ITPRID2: variants seen among roughly 807,000 people sequenced by gnomAD.
ITPRID2 encodes protein ITPRID2.
ITPRID2 carries 60 observed loss-of-function variants against 124.3 expected under a neutral mutation model. The ratio of observed to expected loss-of-function variants is 0.48; its 90% CI spans 0.39 to 0.60. The LOEUF (loss-of-function observed/expected upper bound fraction) is 0.60. Among genes scored for constraint, ITPRID2 ranks in the 20% least tolerant of loss-of-function variants. ITPRID2 has a pLI of 0.00. For missense variants in ITPRID2, 1,553 were observed against 1,512.2 expected, an observed-to-expected ratio of 1.03 and a Z score of -0.45; for synonymous variants, 521 against 542.9, an observed-to-expected ratio of 0.96 and a Z score of 0.56.
chr2:181,918,954 A>G, intron 13 of ITPRID2, 72 bp downstream of exon 13: 1 of 1,566,734 alleles, frequency 6.4e-7, no homozygotes, highest in Non-Finnish European at 8.6e-7. Flanking sequence ...TATATTTTTT[A>G]AAATTAGGTT....
In ITPRID2 at chr2:181,929,384, TA is replaced by T. The variant is rs556763481; in HGVS notation, c.*14-176del. 7.0e-3 allele frequency among the ~76,000 whole-genome samples: 1,067 copies of T among 152,172 alleles called. 9 individuals are homozygous for T. Among genetic ancestry groups the T allele is most frequent in the African/African-American group, 0.024 (1,011 of 41,496 alleles). ...ATGTCACAAAGCAATTAATAGGAAT[TA>T]TTTTTTTTAAAGCCAGGGATATAAG... On this transcript the variant is annotated intron_variant, in intron 17 of 17. Coordinates refer to ENST00000431877, the MANE Select transcript of ITPRID2 (RefSeq NM_001130445.3).
chr2:181,900,736 G>C lies in ITPRID2; in HGVS notation c.544G>C (p.Glu182Gln), dbSNP rs1198631463. 1.2e-6 allele frequency: 2 copies of C among 1,612,046 alleles called. No individual in the cohort carries two copies. Among genetic ancestry groups the C allele is most frequent in the South Asian group, 1.1e-5 (1 of 90,406 alleles). Residue 182 changes from glutamate to glutamine, a missense_variant, in exon 7 of 18, where the codon GAA becomes CAA. Physicochemically the swap from Glu to Gln is conservative, Grantham distance 29. Coordinates refer to ENST00000431877, the MANE Select transcript of ITPRID2 (RefSeq NM_001130445.3). ...GGAACTTTATGAGGAAGATCCTGAA[G>C]AAATTCTTTATAATCTTGGATTTGG... The part of the protein sequence containing the change: ...LLELYEEDPE[E>Q]ILYNLGFGRD...
In ITPRID2 at chr2:181,902,767, T is replaced by C. The variant is rs1204965851; in HGVS notation, c.1413+301T>C. Among the ~76,000 whole-genome samples, 1 of 152,202 alleles carries C rather than the reference T, an allele frequency of 6.6e-6. No homozygotes were observed. The highest frequency in any genetic ancestry group is 1.5e-5 in the Non-Finnish European group (1 of 68,024). On this transcript the variant is annotated intron_variant, in intron 8 of 17. Coordinates refer to ENST00000431877, the MANE Select transcript of ITPRID2 (RefSeq NM_001130445.3). This position sits in a 1 kb window ranked among gnomAD's most constrained non-coding sequence, Gnocchi z 4.4. ...CTCAAGAAAGCCCTGAGAGAGTATA[T>C]TTAAATTCAAAGCAATATTGCATAA...
rs776219577 is a variant in ITPRID2, at chr2:181,919,428, C to G, written c.3126C>G (p.Phe1042Leu). ...GTGCTGTGCGCATGCCTTCACCCTT[C>G]CGCTCCTCCGCACTCATGGTACGCT... The part of the protein sequence containing the change: ...QLRAVRMPSP[F>L]RSSALMGMCG... The change falls in exon 14 of 18, where the codon TTC (phenylalanine) becomes TTG (leucine). Residue 1042 changes from phenylalanine to leucine, a missense_variant. Coordinates refer to ENST00000431877, the MANE Select transcript of ITPRID2 (RefSeq NM_001130445.3). The surrounding 1 kb of genome is among the most constrained non-coding windows in gnomAD (Gnocchi z 4.2). The G allele has an allele frequency of 1.2e-6, 2 of 1,603,342 alleles. No individual in the cohort carries two copies. The highest frequency in any genetic ancestry group is 1.3e-5 in the African/African-American group (1 of 74,658).
chr2:181,929,581 C>A lies in ITPRID2; in HGVS notation c.*34C>A. ...TTAAGGTTGGCATGGATCCTATTAG[C>A]TGTGTAATACTGGAATTATCAATGA... On this transcript the variant is annotated 3_prime_UTR_variant, in exon 18 of 18. Coordinates refer to ENST00000431877, the MANE Select transcript of ITPRID2 (RefSeq NM_001130445.3). 1.9e-6 allele frequency: 3 copies of A among 1,611,902 alleles called. No individual in the cohort carries two copies. The highest frequency in any genetic ancestry group is 2.5e-6 in the Non-Finnish European group (3 of 1,178,660).
At chr2:181,898,327 A>G (rs1482054316) in intron 4 of ITPRID2, among the ~76,000 whole-genome samples, 1 of 152,050 alleles carries the variant, frequency 6.6e-6, no homozygotes, top group Non-Finnish European at 1.5e-5. Context: ...TAGAACTTTA[A>G]GCTAAAGTTC....
chr2:181,922,257 A>G lies in ITPRID2; in HGVS notation c.3520A>G (p.Ser1174Gly). The change falls in exon 16 of 18, where the codon AGT becomes GGT. Residue 1174 changes from serine to glycine, a missense_variant. Ser to Gly is a moderately conservative substitution (Grantham distance 56, BLOSUM62 0). Coordinates refer to ENST00000431877, the MANE Select transcript of ITPRID2 (RefSeq NM_001130445.3). ...TGTGCAGACACCTCCAGATTTGGAA[A>G]GTTCTGAGGAAGTTGATGCAGCTGA... is the stretch of plus-strand genomic sequence containing the variant. Reference protein sequence around the residue: ...GSVQTPPDLESSEEVDAAEGA... With the variant: ...GSVQTPPDLEGSEEVDAAEGA... The G allele has an allele frequency of 6.2e-7, 1 of 1,614,246 alleles. No homozygotes were observed.
Position 181,929,688 on chromosome 2 carries a change from ATTTC to A in ITPRID2, c.*144_*147del. On this transcript the variant is annotated 3_prime_UTR_variant, in exon 18 of 18. Transcript: ENST00000431877. ...CTACTGTATACAGTGTACAATGTGTATTTCTTCAACCATATATTTTAAAAAGACG... is the reference window on the plus strand; with the variant it reads ...CTACTGTATACAGTGTACAATGTGTATTCAACCATATATTTTAAAAAGACG... 1 of 1,440,382 alleles carries A rather than the reference ATTTC, an allele frequency of 6.9e-7. No homozygotes were observed. Among genetic ancestry groups the A allele is most frequent in the South Asian group, 1.3e-5 (1 of 75,528 alleles). 89.2% of individuals were successfully genotyped at this position (1,440,382 alleles called of 1,614,324 possible).
intron 16 of ITPRID2, 144 bp from the exon 17 acceptor site, chr2:181,928,017 C>A: frequency 1.7e-6 from 1 of 589,028 alleles, no homozygotes; most frequent in Admixed American, 3.3e-5. Flanking sequence ...GGACTCGATT[C>A]CCCACTCCCT....
At position 181,915,559 on chromosome 2, in the gene ITPRID2, C is replaced by T; in HGVS notation, c.1919C>T (p.Ala640Val). ...GAGACAGTAGAGCTACTGAGGGAAGCAAGTGCTGAAAGTGATGTGGGTAAA... is the reference window on the plus strand; with the variant it reads ...GAGACAGTAGAGCTACTGAGGGAAGTAAGTGCTGAAAGTGATGTGGGTAAA... ...PAETVELLRE[A>V]SAESDVGKSS... Residue 640 changes from alanine to valine, a missense_variant, in exon 11 of 18, where the codon GCA (alanine) becomes GTA (valine). Ala to Val is a moderately conservative substitution (Grantham distance 64). Transcript: ENST00000431877. 1 of 1,614,156 alleles carries T rather than the reference C, an allele frequency of 6.2e-7. No homozygotes were observed. Among genetic ancestry groups the T allele is most frequent in the Non-Finnish European group, 8.5e-7 (1 of 1,180,030 alleles).
chr2:181,920,627 T>G lies in ITPRID2; in HGVS notation c.3175T>G (p.Leu1059Val). The change falls in exon 15 of 18, where the codon TTG becomes GTG. Residue 1059 changes from leucine to valine, a missense_variant. Coordinates refer to ENST00000431877, the MANE Select transcript of ITPRID2 (RefSeq NM_001130445.3). ...GMCGSRSADN[L>V]SCPSPLNVME... ...GTGTGGCAGTAGAAGCGCTGATAACTTGTCATGCCCTTCTCCATTGAATGT... is the reference window on the plus strand; with the variant it reads ...GTGTGGCAGTAGAAGCGCTGATAACGTGTCATGCCCTTCTCCATTGAATGT... 1.2e-6 allele frequency: 2 copies of G among 1,613,576 alleles called. No individual in the cohort carries two copies. The highest frequency in any genetic ancestry group is 1.7e-6 in the Non-Finnish European group (2 of 1,179,696).
rs1694341415 is a variant in ITPRID2 at position 181,919,689 on chromosome 2, G to A, written c.3144+243G>A. 1.3e-5 allele frequency among the ~76,000 whole-genome samples: 2 copies of A among 152,174 alleles called. No homozygotes were observed. The highest frequency in any genetic ancestry group is 4.1e-4 in the South Asian group (2 of 4,820). On this transcript the variant is annotated intron_variant, in intron 14 of 17. Coordinates refer to ENST00000431877, the MANE Select transcript of ITPRID2 (RefSeq NM_001130445.3). The surrounding 1 kb of genome is among the most constrained non-coding windows in gnomAD (Gnocchi z 4.2). ...AAATTTTAATAACAGGAAAGAATAA[G>A]GGCTTATACGAAAGTTGAGGGTTTT...
chr2:181,899,942 T>C (rs1474599979), intron 6 of ITPRID2, among the ~76,000 whole-genome samples: 2 of 152,240 alleles, frequency 1.3e-5, no homozygotes, highest in Non-Finnish European at 2.9e-5. Flanking sequence ...GTTATCCAAA[T>C]TATAATATTA....
chr2:181,926,692 G>A (rs1694890998), intron 16 of ITPRID2, among the ~76,000 whole-genome samples: 1 of 142,134 alleles, frequency 7.0e-6, no homozygotes, highest in African/African-American at 2.7e-5. Context: ...CAACCTGGGT[G>A]ACAGAGTGAG....
rs150993729 is a variant in ITPRID2, at chr2:181,922,239, A to C, written c.3502A>C (p.Thr1168Pro). Residue 1168 changes from threonine (T) to proline (P), a missense_variant, in exon 16 of 18, where the codon ACA becomes CCA. Thr to Pro is a conservative substitution (Grantham distance 38). Transcript: ENST00000431877. Reference protein sequence around the residue: ...TAPSRTGSVQTPPDLESSEEV... With the variant: ...TAPSRTGSVQPPPDLESSEEV... ...TCCTTCTAGAACAGGCTCTGTGCAG[A>C]CACCTCCAGATTTGGAAAGTTCTGA... 1.2e-6 allele frequency: 2 copies of C among 1,614,232 alleles called. No homozygotes were observed. Among genetic ancestry groups the C allele is most frequent in the South Asian group, 2.2e-5 (2 of 91,080 alleles).
intron 6 of ITPRID2, among the ~76,000 whole-genome samples, chr2:181,899,829 C>G (rs953378302): frequency 6.6e-6 from 1 of 152,152 alleles, no homozygotes. Flanking sequence ...GAGACGCTGT[C>G]TCAAAAAAGC....
intron 8 of ITPRID2, among the ~76,000 whole-genome samples, chr2:181,908,968 C>T (rs1348092103): frequency 6.6e-6 from 1 of 151,946 alleles, no homozygotes; most frequent in African/African-American, 2.4e-5. Flanking sequence ...ACAGAAATTA[C>T]CGTGCATCTT....
In ITPRID2 at chr2:181,901,947, A is replaced by G. The variant is rs2125071109; in HGVS notation, c.894A>G (p.Thr298=). ...RSNTANRLMK[T]LSKLNLCVDK... is the part of the protein sequence containing the mutation. ...ACACTGCAAATCGTTTAATGAAAAC[A>G]CTCTCAAAACTGAATTTATGTGTTG... Residue 298 remains threonine, a synonymous_variant, in exon 8 of 18, where the codon ACA becomes ACG. Coordinates refer to ENST00000431877, the MANE Select transcript of ITPRID2 (RefSeq NM_001130445.3). The G allele has an allele frequency of 1.9e-6, 3 of 1,613,922 alleles. No homozygotes were observed. Among genetic ancestry groups the G allele is most frequent in the African/African-American group, 1.3e-5 (1 of 75,038 alleles).
In ITPRID2 at chr2:181,900,694, A is replaced by T. The variant is rs1222273333; in HGVS notation, c.504-2A>T. 3.2e-6 allele frequency: 5 copies of T among 1,586,466 alleles called. No individual in the cohort carries two copies. The highest frequency in any genetic ancestry group is 1.8e-5 in the Admixed American group (1 of 54,382). The stretch of plus-strand genomic sequence containing the variant: ...TTCCTTTTTTGCCCCCTTTTTTTGT[A>T]GTGTTTCAGAATTGTTGGAACTTTA... On this transcript the variant is annotated splice_acceptor_variant, in intron 6 of 17. Coordinates refer to ENST00000431877, the MANE Select transcript of ITPRID2 (RefSeq NM_001130445.3). LOFTEE classifies it high-confidence loss of function.
Sources: allele counts gnomAD v4.1 joint callset (sites outside exome capture counted in the v4.1 genomes callset), GRCh38; gene constraint gnomAD v4.1.1; non-coding constraint Gnocchi (gnomAD v3.1); transcripts MANE v1.5; gene names NCBI Gene and HGNC (gene_info 2026-07-23, HGNC 2026-07-21).